The following PRRG1 variants were observed in gnomAD, a reference collection of about 807,000 sequenced individuals.
PRRG1 encodes proline rich and Gla domain 1.
Under a neutral mutation model 11.8 loss-of-function variants are expected in PRRG1, and 5 were observed. The ratio of observed to expected loss-of-function variants is 0.42; its 90% CI spans 0.22 to 0.89. The LOEUF is 0.89. Among genes scored for constraint, PRRG1 ranks in the 40% least tolerant of loss-of-function variants. PRRG1 has a pLI of 0.28. For missense variants in PRRG1, 155 were observed against 166.1 expected (o/e 0.93, Z 0.37); for synonymous variants, 66 against 60.4 (o/e 1.09, Z -0.43).
At chrX:37,362,389 AT>A (rs1375884231) in intron 1 of PRRG1, among the ~76,000 whole-genome samples, 175 of 101,258 alleles carry the variant, frequency 1.7e-3, no homozygotes, top group Admixed American at 1.7e-3. Context: ...TATGGTAGTC[AT>A]TTTTTTTTTT....
intron 1 of PRRG1, among the ~76,000 whole-genome samples, chrX:37,376,551 GTATATATATATA>G (rs542194109): frequency 7.4e-5 from 2 of 26,911 alleles, no homozygotes; most frequent in Non-Finnish European, 1.9e-4. Context: ...AAATGTGAGT[GTATATATATATA>G]TATATATATG....
At position 37,456,154 on chromosome X, in the gene PRRG1, G is replaced by C. The variant is rs1171391489; in HGVS notation, c.*2533G>C. 2 of 111,483 alleles carry C rather than the reference G, an allele frequency of 1.8e-5. No homozygotes were observed. The highest frequency in any genetic ancestry group is 6.5e-5 in the African/African-American group (2 of 30,665). 9.2% of individuals were successfully genotyped at this position (111,483 alleles called of 1,213,427 possible). A position where few individuals can be genotyped will look rare whatever the true frequency, so the allele number is the denominator to read the frequency against. ...AAGTTAATACTTTAAAAATTTTCAG[G>C]TTTTTTTAGTATGGTGAATATTGAT... On this transcript the variant is annotated 3_prime_UTR_variant, in exon 4 of 4. Transcript: ENST00000378628.
chrX:37,429,305 C>T (rs1234972116), intron 3 of PRRG1, among the ~76,000 whole-genome samples: 4 of 111,837 alleles, frequency 3.6e-5, no homozygotes, highest in African/African-American at 1.3e-4. Flanking sequence ...GCAAATTTTC[C>T]AAACTTTTAT....
At position 37,448,761 on chromosome X, in the gene PRRG1, A is replaced by G. The variant is rs138405701; in HGVS notation, c.172-4375A>G. Among the ~76,000 whole-genome samples, 49 of 111,570 alleles carry G rather than the reference A, an allele frequency of 4.4e-4. 1 individual carries two copies. In the East Asian group the frequency reaches 0.012, roughly 28 times the overall value. On this transcript the variant is annotated intron_variant, in intron 3 of 3. Coordinates refer to ENST00000378628, the MANE Select transcript of PRRG1 (RefSeq NM_001142395.2). Reference sequence around the variant, plus strand: ...TTCTACTGACAGTTTTCAAGATAATACCTTACTTTTTGACAAAAGAATACA... The same window carrying G: ...TTCTACTGACAGTTTTCAAGATAATGCCTTACTTTTTGACAAAAGAATACA...
chrX:37,396,609 C>A, intron 1 of PRRG1, among the ~76,000 whole-genome samples: 1 of 111,519 alleles, frequency 9.0e-6, no homozygotes, highest in African/African-American at 3.3e-5. Flanking sequence ...CAGCCACATG[C>A]AACCATAAGT....
intron 1 of PRRG1, among the ~76,000 whole-genome samples, chrX:37,359,949 A>G (rs1930362793): frequency 9.0e-6 from 1 of 111,693 alleles, no homozygotes; most frequent in Non-Finnish European, 1.9e-5. Context: ...AAAATTGTTC[A>G]TAATATTCCT....
intron 1 of PRRG1, among the ~76,000 whole-genome samples, chrX:37,402,747 T>A (rs1932045176): frequency 9.0e-6 from 1 of 111,349 alleles, no homozygotes; most frequent in African/African-American, 3.3e-5. Flanking sequence ...GACAAAGGGC[T>A]AATATCCAGA....
At chrX:37,448,090 G>A (rs1274966105) in intron 3 of PRRG1, among the ~76,000 whole-genome samples, 1 of 111,929 alleles carries the variant, frequency 8.9e-6, no homozygotes, top group Non-Finnish European at 1.9e-5. Context: ...GTCTTGACGA[G>A]TCATCCAGGT....
At chrX:37,390,350 G>A (rs1230764341) in intron 1 of PRRG1, among the ~76,000 whole-genome samples, 1 of 111,142 alleles carries the variant, frequency 9.0e-6, no homozygotes, top group African/African-American at 3.3e-5. Flanking sequence ...TCTATCACTG[G>A]TAGAATGAAA....
intron 3 of PRRG1, among the ~76,000 whole-genome samples, chrX:37,437,588 A>G (rs1932899532): frequency 8.9e-6 from 1 of 112,363 alleles, no homozygotes; most frequent in South Asian, 3.7e-4. Flanking sequence ...TGGCTCATGT[A>G]TCCATTACAG....
chrX:37,411,446 G>A (rs983858469), intron 2 of PRRG1, among the ~76,000 whole-genome samples: 5 of 111,743 alleles, frequency 4.5e-5, no homozygotes, highest in Non-Finnish European at 9.4e-5. Flanking sequence ...TGATAAAATG[G>A]TAAAAGGCCC....
At chrX:37,408,490 G>T (rs1406470523) in intron 2 of PRRG1, among the ~76,000 whole-genome samples, 1 of 111,457 alleles carries the variant, frequency 9.0e-6, no homozygotes, top group Non-Finnish European at 1.9e-5. Context: ...ACATGTGGGG[G>T]ATATGTGGGG....
At chrX:37,367,708 C>A (rs901726009) in intron 1 of PRRG1, among the ~76,000 whole-genome samples, 41 of 111,962 alleles carry the variant, frequency 3.7e-4, no homozygotes, top group African/African-American at 1.3e-3. Flanking sequence ...TGTGGCTGGT[C>A]CTATAGCTGG....
At chrX:37,384,302 A>G (rs1931251932) in intron 1 of PRRG1, among the ~76,000 whole-genome samples, 1 of 111,694 alleles carries the variant, frequency 9.0e-6, no homozygotes, top group Non-Finnish European at 1.9e-5. Flanking sequence ...CTTTCTGGAC[A>G]GTGGCTAAGG....
chrX:37,414,070 T>A (rs1396521974), intron 2 of PRRG1, among the ~76,000 whole-genome samples: 1 of 111,928 alleles, frequency 8.9e-6, no homozygotes, highest in Non-Finnish European at 1.9e-5. Flanking sequence ...AACGATGCAT[T>A]TCTCATGATG....
chrX:37,429,453 C>T lies in PRRG1; in HGVS notation c.171+3453C>T, dbSNP rs140069980. Reference sequence around the variant, plus strand: ...TTCAAAGTTCCACAAATCTCTAGGGCGGGGCAAAATGCCACCAGTCTCTTT... The same window carrying T: ...TTCAAAGTTCCACAAATCTCTAGGGTGGGGCAAAATGCCACCAGTCTCTTT... On this transcript the variant is annotated intron_variant, in intron 3 of 3. Coordinates refer to ENST00000378628, the MANE Select transcript of PRRG1 (RefSeq NM_001142395.2). 9.7e-3 allele frequency among the ~76,000 whole-genome samples: 1,078 copies of T among 111,556 alleles called. 13 individuals are homozygous for T. The highest frequency in any genetic ancestry group is 0.033 in the African/African-American group (1,017 of 30,629).
At chrX:37,429,074 G>A (rs970913343) in intron 3 of PRRG1, among the ~76,000 whole-genome samples, 21 of 112,285 alleles carry the variant, frequency 1.9e-4, no homozygotes, top group African/African-American at 6.5e-4. Flanking sequence ...ACAGCATGGG[G>A]ACCCTGGGCC....
intron 3 of PRRG1, among the ~76,000 whole-genome samples, chrX:37,433,279 G>A (rs6610163): frequency 4.5e-5 from 5 of 111,034 alleles, no homozygotes; most frequent in African/African-American, 1.6e-4. Flanking sequence ...AGCTTCACTC[G>A]ATATATAGTT....
At chrX:37,376,473 C>T (rs1349443670) in intron 1 of PRRG1, among the ~76,000 whole-genome samples, 1 of 91,831 alleles carries the variant, frequency 1.1e-5, no homozygotes, top group Non-Finnish European at 2.2e-5. Context: ...TATCTTCATT[C>T]AGATCTTTGT....
Sources: allele counts gnomAD v4.1 joint callset (sites outside exome capture counted in the v4.1 genomes callset), GRCh38; gene constraint gnomAD v4.1.1; transcripts MANE v1.5; gene names NCBI Gene and HGNC (gene_info 2026-07-23, HGNC 2026-07-21).